ZNF33A: variants seen among roughly 807,000 people sequenced by gnomAD.
ZNF33A encodes the protein zinc finger protein 33A.
Under a neutral mutation model 15.9 loss-of-function variants are expected in ZNF33A, and 9 were observed. The observed-to-expected ratio is 0.57, with a 90% confidence interval of 0.34 to 0.99. The LOEUF is 0.99. Ranked by LOEUF, ZNF33A falls within the 50% of genes least tolerant of loss-of-function variation. ZNF33A has a pLI of 0.02. For synonymous variants in ZNF33A, 294 were observed against 324.2 expected (o/e 0.91, Z 1.00); for missense variants, 843 against 941.6 (o/e 0.90, Z 1.37).
Position 38,055,615 on chromosome 10 carries a change from T to C in ZNF33A, c.1491T>C (p.Tyr497=), listed in dbSNP as rs903454482. The C allele has an allele frequency of 5.0e-6, 8 of 1,614,006 alleles. No individual in the cohort carries two copies. The highest frequency in any genetic ancestry group is 1.3e-5 in the African/African-American group (1 of 74,928). ...GAATTCACATAGGAGATAAATCTTA[T>C]GAATGTAATGCATGTGGGAAAACTT... The part of the protein sequence containing the change: ...HQRIHIGDKS[Y]ECNACGKTFY... The change falls in exon 5 of 5, where the codon TAT becomes TAC. Residue 497 remains tyrosine (Y), a synonymous_variant. Coordinates refer to ENST00000432900, the MANE Select transcript of ZNF33A (RefSeq NM_006954.2).
At chr10:38,011,178 A>T (rs949727243) in intron 1 of ZNF33A, among the ~76,000 whole-genome samples, 1 of 152,214 alleles carries the variant, frequency 6.6e-6, no homozygotes, top group Admixed American at 6.5e-5. Flanking sequence ...CACGTATTGC[A>T]TTCATCCTCT....
chr10:38,060,318 C>A (rs1161505642), downstream of ZNF33A, among the ~76,000 whole-genome samples: 1 of 152,166 alleles, frequency 6.6e-6, no homozygotes, highest in Non-Finnish European at 1.5e-5. Context: ...AGCAGACAGT[C>A]CTCCTTGTCA....
intron 4 of ZNF33A, among the ~76,000 whole-genome samples, chr10:38,034,858 T>G (rs1375787685): frequency 6.6e-6 from 1 of 152,154 alleles, no homozygotes; most frequent in Non-Finnish European, 1.5e-5. Flanking sequence ...ATGGTGTGCT[T>G]GCAGCAGTAG....
Position 38,016,884 on chromosome 10 carries a change from C to A in ZNF33A, c.23C>A (p.Ser8Tyr). The change falls in exon 3 of 5, where the codon TCC becomes TAC. Residue 8 changes from serine (S) to tyrosine (Y), a missense_variant. Transcript: ENST00000432900. ...TGAATGTTTCAGGTAGAACAGAAGT[C>A]CCAGGAGTCAGTATCATTTAAAGAT... The part of the protein sequence containing the change: MNKVEQK[S>Y]QESVSFKDVT... The A allele has an allele frequency of 6.2e-7, 1 of 1,613,856 alleles. No individual in the cohort carries two copies. Among genetic ancestry groups the A allele is most frequent in the Non-Finnish European group, 8.5e-7 (1 of 1,179,954 alleles).
intron 4 of ZNF33A, among the ~76,000 whole-genome samples, chr10:38,030,650 C>A (rs143287629): frequency 1.3e-5 from 2 of 152,136 alleles, no homozygotes; most frequent in East Asian, 1.9e-4. Context: ...CTAAGGAGAT[C>A]TAAATGTGGG....
intron 4 of ZNF33A, among the ~76,000 whole-genome samples, chr10:38,031,484 C>T (rs778261017): frequency 5.4e-5 from 8 of 147,270 alleles, no homozygotes; most frequent in Non-Finnish European, 9.0e-5. Context: ...GTAGGAGGAT[C>T]GCTTGAGCCC....
chr10:38,061,554 C>T (rs2066653876), downstream of ZNF33A, among the ~76,000 whole-genome samples: 2 of 152,136 alleles, frequency 1.3e-5, no homozygotes. Flanking sequence ...TGGCCTACAC[C>T]TGGGCCACAG....
At chr10:38,047,475 A>G (rs2065997816) in intron 4 of ZNF33A, among the ~76,000 whole-genome samples, 1 of 151,656 alleles carries the variant, frequency 6.6e-6, no homozygotes, top group African/African-American at 2.4e-5. Context: ...TAAAAGTACA[A>G]AATTAGCTGT....
chr10:38,022,797 A>T (rs1218326798), intron 4 of ZNF33A, among the ~76,000 whole-genome samples: 1 of 152,186 alleles, frequency 6.6e-6, no homozygotes, highest in Non-Finnish European at 1.5e-5. Context: ...CATAATTTGA[A>T]TCAAATAATT....
intron 4 of ZNF33A, among the ~76,000 whole-genome samples, chr10:38,039,001 A>G (rs2065574206): frequency 6.6e-6 from 1 of 152,138 alleles, no homozygotes; most frequent in African/African-American, 2.4e-5. Flanking sequence ...GAGGATTTAT[A>G]TGTCTGTAAT....
rs781335973 is a variant in ZNF33A, at chr10:38,055,102, G to A, written c.978G>A (p.Glu326=). The A allele has an allele frequency of 1.2e-6, 2 of 1,614,118 alleles. No homozygotes were observed. The highest frequency in any genetic ancestry group is 1.7e-6 in the Non-Finnish European group (2 of 1,179,986). The part of the protein sequence containing the change: ...LSHLQKGDKG[E]KHFECNECGK... ...ACCTTCAGAAAGGTGATAAAGGAGA[G>A]AAACACTTTGAATGTAATGAATGTG... The change falls in exon 5 of 5, where the codon GAG becomes GAA. Residue 326 remains glutamate (E), a synonymous_variant. Coordinates refer to ENST00000432900, the MANE Select transcript of ZNF33A (RefSeq NM_006954.2).
intron 4 of ZNF33A, among the ~76,000 whole-genome samples, chr10:38,023,177 C>G (rs1342451930): frequency 1.3e-5 from 2 of 152,172 alleles, no homozygotes; most frequent in Admixed American, 6.6e-5. Context: ...AACTCCTGAC[C>G]TCATGATCTG....
intron 1 of ZNF33A, among the ~76,000 whole-genome samples, chr10:38,011,382 C>T (rs1291932149): frequency 6.6e-6 from 1 of 152,130 alleles, no homozygotes; most frequent in Non-Finnish European, 1.5e-5. Context: ...GTCAGAAATT[C>T]GAGACCAGCC....
rs1264687069 is a variant in ZNF33A, at chr10:38,055,616, G to T, written c.1492G>T (p.Glu498Ter). 6.2e-7 allele frequency: 1 copy of T among 1,613,960 alleles called. No homozygotes were observed. Among genetic ancestry groups the T allele is most frequent in the South Asian group, 1.1e-5 (1 of 91,074 alleles). Reference protein sequence around the residue: ...QRIHIGDKSYECNACGKTFYH... With the variant: ...QRIHIGDKSY ...AATTCACATAGGAGATAAATCTTATGAATGTAATGCATGTGGGAAAACTTT... is the reference window on the plus strand; with the variant it reads ...AATTCACATAGGAGATAAATCTTATTAATGTAATGCATGTGGGAAAACTTT... Residue 498 changes from glutamate to a stop codon, truncating the protein, a stop_gained, in exon 5 of 5, where the codon GAA becomes TAA. Coordinates refer to ENST00000432900, the MANE Select transcript of ZNF33A (RefSeq NM_006954.2). LOFTEE classifies it low-confidence loss of function (END_TRUNC).
At chr10:38,020,827 T>C (rs949017083) in intron 4 of ZNF33A, among the ~76,000 whole-genome samples, 3 of 152,260 alleles carry the variant, frequency 2.0e-5, no homozygotes, top group African/African-American at 7.2e-5. Flanking sequence ...GATGTACTGA[T>C]TTCTTTTCTT....
At chr10:38,010,892 T>A (rs967583003) in intron 1 of ZNF33A, 109 bp downstream of exon 1, 1 of 1,376,986 alleles carries the variant, frequency 7.3e-7, no homozygotes, top group Middle Eastern at 2.3e-4. Context: ...GGGGACCTCA[T>A]AGGGGAAGGC....
At chr10:38,043,422 C>T (rs1189761972) in intron 4 of ZNF33A, among the ~76,000 whole-genome samples, 1 of 151,584 alleles carries the variant, frequency 6.6e-6, no homozygotes, top group African/African-American at 2.4e-5. Flanking sequence ...GGGTGCAGCA[C>T]ACCAACATGG....
chr10:38,010,832 T>G, intron 1 of ZNF33A, 49 bp downstream of exon 1: 2 of 1,589,698 alleles, frequency 1.3e-6, no homozygotes, highest in South Asian at 1.1e-5. Flanking sequence ...CCCGCGCGAC[T>G]CCTGGGGCGG....
intron 4 of ZNF33A, among the ~76,000 whole-genome samples, chr10:38,031,963 C>CAAAAT (rs550189011): frequency 2.8e-4 from 42 of 151,652 alleles, no homozygotes; most frequent in African/African-American, 7.0e-4. Flanking sequence ...TTCCATCTTA[C>CAAAAT]AAAATAAAAT....
Sources: allele counts gnomAD v4.1 joint callset (sites outside exome capture counted in the v4.1 genomes callset), GRCh38; gene constraint gnomAD v4.1.1; transcripts MANE v1.5; gene names NCBI Gene and HGNC (gene_info 2026-07-23, HGNC 2026-07-21).